Variants in CDC73 observed in about 807,000 individuals in gnomAD.
The protein encoded by CDC73 is parafibromin.
CDC73 carries 21 observed loss-of-function variants against 83.7 expected under a neutral mutation model. That is an observed-to-expected ratio of 0.25 (90% CI 0.18 to 0.36). The LOEUF is 0.36. CDC73 is among the 10% of genes least tolerant of loss of function. The pLI is 1.00. For missense variants in CDC73, 342 were observed against 653.3 expected, an observed-to-expected ratio of 0.52 and a Z score of 5.19; for synonymous variants, 224 against 212.9, an observed-to-expected ratio of 1.05 and a Z score of -0.45.
chr1:193,135,026 T>C (rs1160209525), intron 3 of CDC73, among the ~76,000 whole-genome samples: 1 of 143,082 alleles, frequency 7.0e-6, no homozygotes, highest in African/African-American at 2.4e-5. Flanking sequence ...TTAAAAAAAA[T>C]CTTGTCCATA....
chr1:193,224,929 G>A (rs1572210402), intron 13 of CDC73, among the ~76,000 whole-genome samples: 1 of 151,992 alleles, frequency 6.6e-6, no homozygotes, highest in South Asian at 2.1e-4. Flanking sequence ...TGGGGAACAG[G>A]TGGTATTTGG....
chr1:193,126,454 GTATAT>G (rs1675575804), intron 2 of CDC73, among the ~76,000 whole-genome samples: 1 of 152,122 alleles, frequency 6.6e-6, no homozygotes, highest in African/African-American at 2.4e-5. Flanking sequence ...AATTATAGCA[GTATAT>G]TATAATTGAT....
chr1:193,210,752 G>C (rs575471471), intron 11 of CDC73, among the ~76,000 whole-genome samples: 2 of 152,022 alleles, frequency 1.3e-5, no homozygotes, highest in Non-Finnish European at 2.9e-5. Flanking sequence ...GAAGATTTGT[G>C]TATGTATAAC....
chr1:193,210,213 T>C (rs1259983608), intron 11 of CDC73, among the ~76,000 whole-genome samples: 1 of 152,192 alleles, frequency 6.6e-6, no homozygotes, highest in Non-Finnish European at 1.5e-5. Context: ...TACTACTGAA[T>C]CCTATGACAG....
At chr1:193,136,872 T>G (rs1675810931) in intron 5 of CDC73, among the ~76,000 whole-genome samples, 1 of 152,204 alleles carries the variant, frequency 6.6e-6, no homozygotes, top group African/African-American at 2.4e-5. Context: ...GCCATTTATT[T>G]GAAACAATCT....
In CDC73 at chr1:193,129,058, C is replaced by G. The variant is rs534352403; in HGVS notation, c.238-1116C>G. On this transcript the variant is annotated intron_variant, in intron 2 of 16. Transcript: ENST00000367435. ...TGTCACCCAGGCTGGAGTACAGTGGCGTGATCTCGGCTTACTGCAACCTCT... is the reference window on the plus strand; with the variant it reads ...TGTCACCCAGGCTGGAGTACAGTGGGGTGATCTCGGCTTACTGCAACCTCT... 4.8e-5 allele frequency among the ~76,000 whole-genome samples: 7 copies of G among 145,750 alleles called. No individual in the cohort carries two copies. The East Asian group carries it at 1.4e-3, about 29-fold the overall frequency.
Position 193,137,174 on chromosome 1 carries a change from G to A in CDC73, c.424-911G>A, listed in dbSNP as rs376083137. Among the ~76,000 whole-genome samples the A allele has an allele frequency of 4.6e-5, 7 of 152,262 alleles. 1 individual carries two copies. The highest frequency in any genetic ancestry group is 1.7e-4 in the African/African-American group (7 of 41,532). On this transcript the variant is annotated intron_variant, in intron 5 of 16. Coordinates refer to ENST00000367435, the MANE Select transcript of CDC73 (RefSeq NM_024529.5). ...AGTTATCTTTAAAATCAGTAGTAAG[G>A]AATTTGAGAAATCTGGGCTATATCT...
chr1:193,147,183 G>A (rs1446303890), intron 7 of CDC73, among the ~76,000 whole-genome samples: 15 of 151,532 alleles, frequency 9.9e-5, no homozygotes, highest in Admixed American at 9.2e-4. Context: ...TGGTAGAGAC[G>A]GGATTTCACC....
At chr1:193,236,151 A>T in intron 14 of CDC73, 105 bp from the exon 15 acceptor site, 2 of 792,484 alleles carry the variant, frequency 2.5e-6, no homozygotes, top group Non-Finnish European at 4.6e-6. Context: ...TTTCACATGA[A>T]TGTTTATGGG....
chr1:193,147,933 G>T lies in CDC73; in HGVS notation c.796G>T (p.Glu266Ter). Residue 266 changes from glutamate to a stop codon, truncating the protein, a stop_gained, in exon 8 of 17, where the codon GAA becomes TAA. Coordinates refer to ENST00000367435, the MANE Select transcript of CDC73 (RefSeq NM_024529.5). LOFTEE classifies it high-confidence loss of function. ...VKAREEGRAPEQRPAPNAAPV... is the reference protein window; with the variant it reads ...VKAREEGRAP ...AGCCAGAGAAGAAGGGCGTGCACCT[G>T]AACAGCGACCTGCCCCAAATGCAGC... 6.2e-7 allele frequency: 1 copy of T among 1,613,562 alleles called. No homozygotes were observed. Among genetic ancestry groups the T allele is most frequent in the Non-Finnish European group, 8.5e-7 (1 of 1,179,462 alleles).
chr1:193,169,422 A>G (rs1007356191), intron 10 of CDC73, among the ~76,000 whole-genome samples: 2 of 152,118 alleles, frequency 1.3e-5, no homozygotes, highest in African/African-American at 2.4e-5. Context: ...GCACATGCCT[A>G]TGATCCCAGC....
chr1:193,144,227 C>T (rs1675955808), intron 7 of CDC73, among the ~76,000 whole-genome samples: 1 of 150,556 alleles, frequency 6.6e-6, no homozygotes, highest in Non-Finnish European at 1.5e-5. Context: ...CACCTTTAAA[C>T]TTACATAAAT....
At chr1:193,246,212 G>A (rs180859483) in intron 15 of CDC73, among the ~76,000 whole-genome samples, 1 of 152,122 alleles carries the variant, frequency 6.6e-6, no homozygotes, top group East Asian at 1.9e-4. Flanking sequence ...GTGTCCTGAA[G>A]TGTTTTCTCT....
intron 13 of CDC73, among the ~76,000 whole-genome samples, chr1:193,222,756 C>CTTTTTT (rs59773568): frequency 8.5e-6 from 1 of 117,196 alleles, no homozygotes; most frequent in Non-Finnish European, 1.7e-5. Flanking sequence ...ATGAAATAAG[C>CTTTTTT]TTTTTTTTTT....
chr1:193,239,132 T>C lies in CDC73; in HGVS notation c.1417+2776T>C, dbSNP rs181105342. On this transcript the variant is annotated intron_variant, in intron 15 of 16. Coordinates refer to ENST00000367435, the MANE Select transcript of CDC73 (RefSeq NM_024529.5). Reference sequence around the variant, plus strand: ...ATACCTCACTCACTATGAGATAACTTCTCTGTGATATCTCATTGGTACATC... The same window carrying C: ...ATACCTCACTCACTATGAGATAACTCCTCTGTGATATCTCATTGGTACATC... Among the ~76,000 whole-genome samples the C allele has an allele frequency of 9.8e-4, 149 of 152,320 alleles. 2 individuals are homozygous for C. The highest frequency in any genetic ancestry group is 3.4e-3 in the African/African-American group (143 of 41,584).
intron 15 of CDC73, among the ~76,000 whole-genome samples, chr1:193,242,206 A>C (rs1280318749): frequency 6.6e-6 from 1 of 151,490 alleles, no homozygotes; most frequent in African/African-American, 2.4e-5. Context: ...CCGAGCCCTC[A>C]AAATGGCGCT....
rs530110098 is a variant in CDC73 at position 193,125,098 on chromosome 1, C to CAA, written c.132-14_132-13insAA. ...GAATTGTCAGTAAAAAAAATCTTGC[C>CAA]TTAATTATTTCAGGACTGGAAAGGA... On this transcript the variant is annotated splice_polypyrimidine_tract_variant and intron_variant, in intron 1 of 16. Coordinates refer to ENST00000367435, the MANE Select transcript of CDC73 (RefSeq NM_024529.5). 461 of 1,369,454 alleles carry CAA rather than the reference C, an allele frequency of 3.4e-4. 2 individuals carry two copies. In the African/African-American group the frequency reaches 6.1e-3, roughly 18 times the overall value. The allele number at this position is 1,369,454 out of a possible 1,614,324, so 84.8% of individuals were successfully genotyped here.
chr1:193,245,148 A>G (rs778475766), intron 15 of CDC73, among the ~76,000 whole-genome samples: 1 of 152,194 alleles, frequency 6.6e-6, no homozygotes, highest in Non-Finnish European at 1.5e-5. Flanking sequence ...TGTTTTGGGA[A>G]TAGTCAGTTT....
At chr1:193,122,440 G>C in intron 1 of CDC73, 109 bp downstream of exon 1, 1 of 1,391,474 alleles carries the variant, frequency 7.2e-7, no homozygotes, top group Non-Finnish European at 1.0e-6. Flanking sequence ...GGGATAAAAC[G>C]GGTGTTCGGG....
Sources: allele counts gnomAD v4.1 joint callset (sites outside exome capture counted in the v4.1 genomes callset), GRCh38; gene constraint gnomAD v4.1.1; transcripts MANE v1.5; gene names NCBI Gene and HGNC (gene_info 2026-07-23, HGNC 2026-07-21).